The following PHEX variants were observed in gnomAD, a reference collection of about 807,000 sequenced individuals.
The protein encoded by PHEX is phosphate-regulating neutral endopeptidase PHEX.
In PHEX, 16 loss-of-function variants were observed where a neutral mutation model predicts 68.0. That is an observed-to-expected ratio of 0.24 (90% CI 0.16 to 0.36). PHEX has a LOEUF of 0.36. Among genes scored for constraint, PHEX ranks in the 10% least tolerant of loss-of-function variants. The pLI is 1.00. For missense variants in PHEX, 480 were observed against 575.5 expected, an observed-to-expected ratio of 0.83 and a Z score of 1.70; for synonymous variants, 208 against 205.1, an observed-to-expected ratio of 1.01 and a Z score of -0.12.
chrX:22,051,550 C>A (rs766929849), intron 3 of PHEX, among the ~76,000 whole-genome samples: 31 of 111,445 alleles, frequency 2.8e-4, no homozygotes, highest in African/African-American at 1.0e-3. Context: ...AAAAAACAAC[C>A]GCATAAAATA....
intron 3 of PHEX, among the ~76,000 whole-genome samples, chrX:22,055,398 T>C (rs1313803174): frequency 1.8e-5 from 2 of 110,142 alleles, no homozygotes; most frequent in Admixed American, 9.8e-5. Context: ...ATTGGAAAAC[T>C]GGACAAATAT....
chrX:22,056,586 A>AG (rs1377701409), intron 3 of PHEX, among the ~76,000 whole-genome samples: 1 of 109,553 alleles, frequency 9.1e-6, no homozygotes, highest in East Asian at 2.8e-4. Context: ...GGATCACCTG[A>AG]GGTCAGGAGC....
At chrX:22,166,350 A>G (rs891402133) in intron 12 of PHEX, among the ~76,000 whole-genome samples, 15 of 111,284 alleles carry the variant, frequency 1.3e-4, no homozygotes, top group African/African-American at 4.9e-4. Context: ...AATCCCTGTG[A>G]TCTGACCCCA....
chrX:22,192,089 G>T (rs1001930104), intron 15 of PHEX, among the ~76,000 whole-genome samples: 1 of 111,635 alleles, frequency 9.0e-6, no homozygotes, highest in African/African-American at 3.3e-5. Flanking sequence ...CTTGGGGAGG[G>T]TGGGCCACTG....
At chrX:22,101,091 G>A (rs1371517366) in intron 9 of PHEX, among the ~76,000 whole-genome samples, 1 of 111,400 alleles carries the variant, frequency 9.0e-6, no homozygotes, top group Non-Finnish European at 1.9e-5. Flanking sequence ...CAGGAGAATC[G>A]CTTGAACCCA....
At position 22,044,529 on chromosome X, in the gene PHEX, G is replaced by A. The variant is rs371744139; in HGVS notation, c.188-2521G>A. On this transcript the variant is annotated intron_variant, in intron 2 of 21. Transcript: ENST00000379374. ...GATCGAGACCATCCTGGCTAATGTG[G>A]TGAAACCTGTCTCTACTAAAAATAC... 4.9e-4 allele frequency among the ~76,000 whole-genome samples: 54 copies of A among 109,934 alleles called. No homozygotes were observed. The East Asian group carries it at 0.013, about 27-fold the overall frequency.
At chrX:22,168,766 T>C (rs1933424418) in intron 13 of PHEX, among the ~76,000 whole-genome samples, 1 of 112,355 alleles carries the variant, frequency 8.9e-6, no homozygotes, top group Non-Finnish European at 1.9e-5. Context: ...TCGTATTAAA[T>C]GAATAGTAAT....
At chrX:22,040,802 G>A (rs1032643223) in intron 2 of PHEX, among the ~76,000 whole-genome samples, 1 of 110,206 alleles carries the variant, frequency 9.1e-6, no homozygotes, top group Non-Finnish European at 1.9e-5. Flanking sequence ...AAGTGTGCTC[G>A]AAAGCCTCTG....
chrX:22,049,767 G>C (rs1927725206), intron 3 of PHEX, among the ~76,000 whole-genome samples: 1 of 110,560 alleles, frequency 9.0e-6, no homozygotes, highest in South Asian at 3.9e-4. Context: ...AGAAGGCTGA[G>C]GCAGGTGAAT....
intron 18 of PHEX, 121 bp from the exon 19 acceptor site, chrX:22,226,318 TTGAA>T: frequency 3.8e-6 from 2 of 531,503 alleles, no homozygotes; most frequent in East Asian, 7.1e-5. Context: ...CTCTGATTTA[TTGAA>T]TGTGATTTTC....
chrX:22,137,574 C>T (rs776764431), intron 12 of PHEX, among the ~76,000 whole-genome samples: 2 of 111,545 alleles, frequency 1.8e-5, no homozygotes, highest in Admixed American at 1.9e-4. Context: ...GGACTTCTCC[C>T]AGGTATGCGG....
chrX:22,181,963 G>GT (rs1165429787), intron 14 of PHEX, among the ~76,000 whole-genome samples: 3 of 111,587 alleles, frequency 2.7e-5, no homozygotes, highest in Non-Finnish European at 3.8e-5. Context: ...CATTTTAATA[G>GT]TTTTTTTGGT....
At chrX:22,239,602 A>G (rs1202572015) in intron 20 of PHEX, among the ~76,000 whole-genome samples, 1 of 110,761 alleles carries the variant, frequency 9.0e-6, no homozygotes, top group East Asian at 2.8e-4. Context: ...ATACACAAGT[A>G]TCAATAGCCG....
intron 12 of PHEX, among the ~76,000 whole-genome samples, chrX:22,168,042 C>T (rs932233900): frequency 8.1e-5 from 9 of 111,417 alleles, no homozygotes; most frequent in Non-Finnish European, 1.5e-4. Context: ...AGTCTCTCCT[C>T]TGGACTTTGA....
intron 3 of PHEX, among the ~76,000 whole-genome samples, chrX:22,072,989 C>G (rs1052551702): frequency 1.8e-5 from 2 of 112,103 alleles, no homozygotes; most frequent in Non-Finnish European, 3.8e-5. Flanking sequence ...AATATGTCTT[C>G]CCATTTAGAA....
chrX:22,225,602 G>A (rs1935466543), intron 18 of PHEX, among the ~76,000 whole-genome samples: 1 of 112,191 alleles, frequency 8.9e-6, no homozygotes, highest in Non-Finnish European at 1.9e-5. Flanking sequence ...GCATGGGCAT[G>A]GCTGTGTCCC....
chrX:22,247,490 A>G (rs1936424282), intron 21 of PHEX, among the ~76,000 whole-genome samples: 1 of 112,308 alleles, frequency 8.9e-6, no homozygotes, highest in Non-Finnish European at 1.9e-5. Flanking sequence ...ATATGGGCAT[A>G]TACACACAAA....
At chrX:22,090,591 T>C in intron 6 of PHEX, 94 bp downstream of exon 6, 1 of 602,793 alleles carries the variant, frequency 1.7e-6, no homozygotes, top group East Asian at 3.4e-5. Flanking sequence ...AAATGAGCAG[T>C]GTGGCTATTC....
chrX:22,225,930 T>C (rs1935480627), intron 18 of PHEX, among the ~76,000 whole-genome samples: 1 of 112,330 alleles, frequency 8.9e-6, no homozygotes, highest in Non-Finnish European at 1.9e-5. Context: ...TACTTCTGTT[T>C]GATTTTTCTT....
Sources: allele counts gnomAD v4.1 joint callset (sites outside exome capture counted in the v4.1 genomes callset), GRCh38; gene constraint gnomAD v4.1.1; transcripts MANE v1.5; gene names NCBI Gene and HGNC (gene_info 2026-07-23, HGNC 2026-07-21).